PDE5A: variants seen among roughly 807,000 people sequenced by gnomAD.
PDE5A encodes cGMP-specific 3',5'-cyclic phosphodiesterase.
A neutral mutation model predicts 110.2 loss-of-function variants in PDE5A; 67 were observed. The observed-to-expected ratio is 0.61, with a 90% CI of 0.50 to 0.75. The LOEUF (loss-of-function observed/expected upper bound fraction) is 0.75. PDE5A is among the 30% of genes least tolerant of loss of function. The probability of loss-of-function intolerance (pLI) is 0.00; values close to 1 mark genes in which losing one functional copy is unlikely to be tolerated. For synonymous variants in PDE5A, 328 were observed against 351.2 expected (o/e 0.93, Z 0.74); for missense variants, 862 against 1,045.1 (o/e 0.82, Z 2.42).
chr4:119,498,670 C>T lies in PDE5A; in HGVS notation c.2559G>A (p.Trp853Ter). ...LDGCRKNRQK[W>*]QALAEQQEKM... ...TCTCCTGCTGTTCTGCAAGGGCCTG[C>T]CATTTCTGCCTGTTCTTTCTGCAGC... Residue 853 changes from tryptophan (W) to a stop codon, truncating the protein, a stop_gained, in exon 21 of 21, where the codon TGG (tryptophan) becomes TGA (stop). Transcript: ENST00000354960. LOFTEE classifies it high-confidence loss of function. 6.2e-7 allele frequency: 1 copy of T among 1,614,002 alleles called. No individual in the cohort carries two copies. The highest frequency in any genetic ancestry group is 8.5e-7 in the Non-Finnish European group (1 of 1,179,910).
At chr4:119,577,202 C>G (rs1728388851) in intron 3 of PDE5A, among the ~76,000 whole-genome samples, 1 of 63,792 alleles carries the variant, frequency 1.6e-5, no homozygotes, top group African/African-American at 4.4e-5. Context: ...TAATAGCTTA[C>G]CAACCAAAAA....
rs1203322876 is a variant in PDE5A at position 119,521,031 on chromosome 4, C to G, written c.1809G>C (p.Lys603Asn). ...AGGCAACATTCTTCCGATAATTCTT[C>G]TTAACACTTAAAATCCATCTGCAAA... ...EVLCRWILSV[K>N]KNYRKNVAYH... Residue 603 changes from lysine (K) to asparagine (N), a missense_variant, in exon 13 of 21, where the codon AAG becomes AAC. Lys to Asn is a moderately conservative substitution (Grantham distance 94). Coordinates refer to ENST00000354960, the MANE Select transcript of PDE5A (RefSeq NM_001083.4). The G allele has an allele frequency of 1.2e-6, 2 of 1,612,548 alleles. No individual in the cohort carries two copies. The highest frequency in any genetic ancestry group is 8.5e-7 in the Non-Finnish European group (1 of 1,178,988).
rs201214224 is a variant in PDE5A at position 119,627,246 on chromosome 4, C to A, written c.152+1274G>T. ...CCAGGAGGCTCCGTAGGGGCAACAA[C>A]GCGCGCAGGTGAGGTGAGGTGAGGT... On this transcript the variant is annotated intron_variant, in intron 1 of 20. Coordinates refer to ENST00000354960, the MANE Select transcript of PDE5A (RefSeq NM_001083.4). The surrounding 1 kb of genome is among the most constrained non-coding windows in gnomAD (Gnocchi z 4.6). The A allele has an allele frequency of 1.9e-6, 3 of 1,604,580 alleles. No individual in the cohort carries two copies. Among genetic ancestry groups the A allele is most frequent in the African/African-American group, 2.7e-5 (2 of 74,588 alleles).
intron 12 of PDE5A, among the ~76,000 whole-genome samples, chr4:119,523,195 GACATTATT>G (rs1489580305): frequency 6.6e-6 from 1 of 152,032 alleles, no homozygotes; most frequent in African/African-American, 2.4e-5. Flanking sequence ...GAGTGGAACA[GACATTATT>G]CAGGGAGGAA....
At position 119,510,256 on chromosome 4, in the gene PDE5A, C is replaced by T. The variant is rs562672809; in HGVS notation, c.2088+791G>A. On this transcript the variant is annotated intron_variant, in intron 15 of 20. Transcript: ENST00000354960. ...AGGGCTTTTACTTATAAAATAGTGA[C>T]CAGAAAAGTGATGGGAATCCCTGAA... Among the ~76,000 whole-genome samples, 28 of 151,986 alleles carry T rather than the reference C, an allele frequency of 1.8e-4. No individual in the cohort carries two copies. The South Asian group carries it at 5.4e-3, about 29-fold the overall frequency.
At chr4:119,501,811 C>G (rs79606747) in intron 19 of PDE5A, among the ~76,000 whole-genome samples, 1,931 of 152,198 alleles carry the variant, frequency 0.013, 62 homozygotes, top group East Asian at 0.11. Context: ...TATCAAAGAC[C>G]TTTAAATTCT....
rs574884054 is a variant in PDE5A, at chr4:119,607,400, T to G, written c.153-103A>C. 8.8e-5 allele frequency: 62 copies of G among 701,350 alleles called. No individual in the cohort carries two copies. In the South Asian group the frequency reaches 1.2e-3, roughly 13 times the overall value. The allele number at this position is 701,350 out of a possible 1,614,324, so 43.4% of individuals were successfully genotyped here. A position where few individuals can be genotyped will look rare whatever the true frequency, so the allele number is the denominator to read the frequency against. ...TCATGGTAAACTGATGAGATAATAA[T>G]TTGATATGTTATAGAAAATAAAAAC... On this transcript the variant is annotated intron_variant, in intron 1 of 20. Coordinates refer to ENST00000354960, the MANE Select transcript of PDE5A (RefSeq NM_001083.4).
intron 10 of PDE5A, chr4:119,539,229 T>A (rs1356810614): frequency 4.1e-6 from 2 of 481,946 alleles, no homozygotes; most frequent in African/African-American, 1.9e-5. Flanking sequence ...ATACTCCCTA[T>A]GTTTAAAGAA....
At position 119,525,487 on chromosome 4, in the gene PDE5A, C is replaced by A; in HGVS notation, c.1779+62G>T. 6.9e-7 allele frequency: 1 copy of A among 1,458,280 alleles called. No homozygotes were observed. The highest frequency in any genetic ancestry group is 1.4e-5 in the South Asian group (1 of 69,752). 90.3% of individuals were successfully genotyped at this position (1,458,280 alleles called of 1,614,324 possible). On this transcript the variant is annotated intron_variant, in intron 12 of 20. Coordinates refer to ENST00000354960, the MANE Select transcript of PDE5A (RefSeq NM_001083.4). The surrounding 1 kb of genome is among the most constrained non-coding windows in gnomAD (Gnocchi z 4.3). ...CATATTTGCATTCAAAACCAATTCT[C>A]TCTCTTACATACACACACACATACA... is the stretch of plus-strand genomic sequence containing the variant.
intron 20 of PDE5A, chr4:119,499,667 A>C (rs998577668): frequency 6.6e-6 from 1 of 152,104 alleles, no homozygotes; most frequent in African/African-American, 2.4e-5. Context: ...TCAGTCTTCT[A>C]AGTGGCTGGG....
intron 15 of PDE5A, among the ~76,000 whole-genome samples, chr4:119,510,468 C>A (rs1725698470): frequency 6.6e-6 from 1 of 151,984 alleles, no homozygotes; most frequent in African/African-American, 2.4e-5. Flanking sequence ...AACCATCCCC[C>A]CCAAACAAAG....
At chr4:119,592,456 T>TAAAAAAAAAAAAAAAAAA (rs55997249) in intron 3 of PDE5A, among the ~76,000 whole-genome samples, 2 of 66,176 alleles carry the variant, frequency 3.0e-5, no homozygotes, top group African/African-American at 6.5e-5. Context: ...AGACTCTGTT[T>TAAAAAAAAAAAAAAAAAA]AAAAAAAAAA....
At chr4:119,511,919 T>G (rs1482255077) in intron 14 of PDE5A, among the ~76,000 whole-genome samples, 1 of 152,096 alleles carries the variant, frequency 6.6e-6, no homozygotes, top group Non-Finnish European at 1.5e-5. Flanking sequence ...CTCATGACCC[T>G]TCACACGTGA....
At chr4:119,566,553 T>C (rs1049516263) in intron 4 of PDE5A, among the ~76,000 whole-genome samples, 1 of 152,262 alleles carries the variant, frequency 6.6e-6, no homozygotes. Flanking sequence ...TATAATAAAA[T>C]AATGCTGGCT....
At chr4:119,512,046 G>A (rs1046605702) in intron 14 of PDE5A, among the ~76,000 whole-genome samples, 4 of 152,062 alleles carry the variant, frequency 2.6e-5, no homozygotes, top group Admixed American at 1.3e-4. Context: ...ATATACAAGT[G>A]TTGGATAATA....
intron 8 of PDE5A, among the ~76,000 whole-genome samples, chr4:119,553,373 G>GT (rs1239396059): frequency 2.1e-5 from 3 of 146,210 alleles, no homozygotes; most frequent in African/African-American, 7.5e-5. Context: ...CATTATGTAG[G>GT]TAATAGCTAA....
chr4:119,563,064 TAGCAGGTTATG>T (rs1450758426), intron 5 of PDE5A, 94 bp from the exon 6 acceptor site: 1 of 1,028,958 alleles, frequency 9.7e-7, no homozygotes, highest in Non-Finnish European at 1.4e-6. Flanking sequence ...TTATATAACC[TAGCAGGTTATG>T]ATCAAGTCTG....
chr4:119,592,487 A>AAAAAAG (rs70944896), intron 3 of PDE5A, among the ~76,000 whole-genome samples: 13 of 136,958 alleles, frequency 9.5e-5, no homozygotes, highest in Non-Finnish European at 1.9e-4. Flanking sequence ...AAAAAAAAAA[A>AAAAAAG]GCTGTGTTCT....
At chr4:119,591,154 G>A (rs1292176407) in intron 3 of PDE5A, among the ~76,000 whole-genome samples, 1 of 152,144 alleles carries the variant, frequency 6.6e-6, no homozygotes, top group Non-Finnish European at 1.5e-5. Flanking sequence ...CTGAGTACTG[G>A]CTTTGGTCCC....
Sources: gnomAD v4.1 joint callset for allele counts (sites outside exome capture counted in the v4.1 genomes callset) on GRCh38, gnomAD v4.1.1 for gene constraint, Gnocchi (gnomAD v3.1) non-coding constraint, MANE v1.5 for transcripts, NCBI Gene and HGNC (gene_info 2026-07-23, HGNC 2026-07-21) for gene names.